VMA12: variants seen among roughly 807,000 people sequenced by gnomAD.
VMA12 encodes the protein vacuolar ATPase assembly factor VMA12, also known as vacuolar ATPase assembly protein VMA12.
the VMA12 span, chr17:28,359,298 T>TG: frequency 6.2e-7 from 1 of 1,613,588 alleles, no homozygotes; most frequent in Non-Finnish European, 8.5e-7. Context: ...TCTTCTCATT[T>TG]GATTTTTCTG....
At chr17:28,361,615 C>T in the VMA12 span, 1 of 234,594 alleles carries the variant, frequency 4.3e-6, no homozygotes, top group African/African-American at 2.2e-5. Flanking sequence ...ACCATACTGC[C>T]TTGAACTTGT....
At chr17:28,360,613 G>A in the VMA12 span, 2 of 1,612,544 alleles carry the variant, frequency 1.2e-6, no homozygotes, top group Non-Finnish European at 1.7e-6. Flanking sequence ...CTTTTCCTGA[G>A]ATGGGTCATG....
chr17:28,358,269 G>T, the VMA12 span: 1 of 410,076 alleles, frequency 2.4e-6, no homozygotes, highest in Non-Finnish European at 5.0e-6. Context: ...AGCAAGAGTG[G>T]TGAAATCTGA....
At chr17:28,361,165 A>G in the VMA12 span, 1 of 1,614,052 alleles carries the variant, frequency 6.2e-7, no homozygotes, top group Non-Finnish European at 8.5e-7. Context: ...AGCGGGTGCT[A>G]GCTGCATTGA....
the VMA12 span, chr17:28,358,077 T>G: frequency 3.2e-6 from 2 of 622,938 alleles, no homozygotes; most frequent in African/African-American, 1.8e-5. Context: ...GCTTGTGCAG[T>G]TTCTGCTCTT....
the VMA12 span, chr17:28,360,661 G>C: frequency 2.5e-6 from 4 of 1,604,720 alleles, no homozygotes; most frequent in Non-Finnish European, 3.4e-6. Context: ...CCCAGTTGGT[G>C]GGGGAGCCAT....
chr17:28,358,227 T>C, the VMA12 span: 1 of 403,122 alleles, frequency 2.5e-6, no homozygotes, highest in Admixed American at 3.4e-5. Context: ...CATAGTGAGC[T>C]TGTAGGAATC....
the VMA12 span, chr17:28,360,994 C>T: frequency 1.1e-6 from 1 of 895,826 alleles, no homozygotes; most frequent in Non-Finnish European, 1.7e-6. Context: ...TTCCAGCAGT[C>T]ACGGGAGGTT....
At chr17:28,358,249 C>G in the VMA12 span, 1 of 396,840 alleles carries the variant, frequency 2.5e-6, no homozygotes. Flanking sequence ...GGATTTCTTT[C>G]CACCTCAAAA....
the VMA12 span, chr17:28,357,910 C>G: frequency 1.2e-6 from 2 of 1,611,294 alleles, no homozygotes; most frequent in Non-Finnish European, 1.7e-6. Flanking sequence ...TCCGGGGTCC[C>G]CTCCTTGTGT....
At chr17:28,359,335 G>T in the VMA12 span, 1 of 1,613,874 alleles carries the variant, frequency 6.2e-7, no homozygotes, top group Non-Finnish European at 8.5e-7. Context: ...TAGTTGCCCG[G>T]CTGGAGAAGA....
At chr17:28,360,846 C>A in the VMA12 span, 1 of 1,613,232 alleles carries the variant, frequency 6.2e-7, no homozygotes, top group Non-Finnish European at 8.5e-7. Context: ...GAAATGGCCT[C>A]GGTGAGTAGG....
chr17:28,357,653 C>T, the VMA12 span: 3 of 1,610,434 alleles, frequency 1.9e-6, no homozygotes, highest in South Asian at 3.3e-5. Context: ...GGTCACCTGA[C>T]CGGAGAGCCG....
chr17:28,360,351 CCT>C, the VMA12 span: 1 of 593,542 alleles, frequency 1.7e-6, no homozygotes. Context: ...CAGCCTATGT[CCT>C]CTCTCCGAAA....
chr17:28,357,851 C>T, the VMA12 span: 1 of 1,614,096 alleles, frequency 6.2e-7, no homozygotes, highest in Non-Finnish European at 8.5e-7. Context: ...CCGTCTCATC[C>T]GGGATCTGCA....
chr17:28,358,249 C>A, the VMA12 span: 4 of 396,722 alleles, frequency 1.0e-5, no homozygotes, highest in Admixed American at 6.7e-5. Flanking sequence ...GGATTTCTTT[C>A]CACCTCAAAA....
chr17:28,358,927 T>TAC, the VMA12 span: 3 of 1,610,742 alleles, frequency 1.9e-6, no homozygotes, highest in Non-Finnish European at 2.5e-6. Flanking sequence ...TTCCAAACTA[T>TAC]ACCTCCATGA....
At chr17:28,358,128 A>T in the VMA12 span, 1 of 552,412 alleles carries the variant, frequency 1.8e-6, no homozygotes, top group Non-Finnish European at 3.2e-6. Flanking sequence ...CCTAGGCCCA[A>T]TTCACCCTTG....
the VMA12 span, chr17:28,359,560 C>T: frequency 9.8e-6 from 6 of 610,250 alleles, no homozygotes; most frequent in Non-Finnish European, 1.4e-5. Flanking sequence ...CAGTTCCCAT[C>T]TCATTCACTG....
Sources: allele counts gnomAD v4.1 joint callset, GRCh38; gene constraint gnomAD v4.1.1; transcripts MANE v1.5; gene names NCBI Gene and HGNC (gene_info 2026-07-23, HGNC 2026-07-21).